Variants in GNB1 observed in about 807,000 individuals in gnomAD.
The protein encoded by GNB1 is G protein subunit beta 1.
Under a neutral mutation model 42.9 loss-of-function variants are expected in GNB1, and 2 were observed. That is an observed-to-expected ratio of 0.05 (90% CI 0.02 to 0.15). The LOEUF is 0.15. Among genes scored for constraint, GNB1 ranks in the 10% least tolerant of loss-of-function variants. The pLI, the probability that GNB1 is intolerant of heterozygous loss-of-function variation, is 1.00. For missense variants in GNB1, 193 were observed against 462.2 expected, an observed-to-expected ratio of 0.42 and a Z score of 5.34; for synonymous variants, 183 against 174.7, an observed-to-expected ratio of 1.05 and a Z score of -0.38.
chr1:1,831,027 T>C (rs1315678828), intron 2 of GNB1, among the ~76,000 whole-genome samples: 1 of 152,068 alleles, frequency 6.6e-6, no homozygotes, highest in Non-Finnish European at 1.5e-5. Context: ...TAGCCAGGTG[T>C]GGTGATGCGT....
intron 10 of GNB1, chr1:1,788,591 A>C: frequency 6.0e-6 from 1 of 167,988 alleles, no homozygotes; most frequent in Admixed American, 5.5e-5. Flanking sequence ...AATGAATCTA[A>C]GTCTGTAAGT....
intron 1 of GNB1, chr1:1,890,481 C>G (rs1330489310): frequency 6.7e-6 from 1 of 148,900 alleles, no homozygotes. Context: ...CCACGCAGGG[C>G]CCGGCCCCGC....
At chr1:1,864,940 AG>A (rs1167587558) in intron 1 of GNB1, among the ~76,000 whole-genome samples, 1 of 152,184 alleles carries the variant, frequency 6.6e-6, no homozygotes, top group Non-Finnish European at 1.5e-5. Flanking sequence ...AGTTATGAAG[AG>A]TATTGCTATC....
intron 1 of GNB1, among the ~76,000 whole-genome samples, chr1:1,854,834 A>G (rs985876352): frequency 6.6e-6 from 1 of 152,198 alleles, no homozygotes; most frequent in African/African-American, 2.4e-5. Context: ...GGAGTTCAAG[A>G]TCAGCCTGGC....
At chr1:1,809,095 CAAAT>C (rs1646741354) in intron 5 of GNB1, among the ~76,000 whole-genome samples, 2 of 151,488 alleles carry the variant, frequency 1.3e-5, no homozygotes, top group East Asian at 3.9e-4. Flanking sequence ...AGTTTAAGAA[CAAAT>C]AAAAACCTTT....
chr1:1,890,454 G>C (rs555912465), intron 1 of GNB1: 1 of 149,022 alleles, frequency 6.7e-6, no homozygotes. Flanking sequence ...GCGGGCCCGA[G>C]AGCCACGTCC....
chr1:1,800,113 C>A (rs1283556176), intron 7 of GNB1, among the ~76,000 whole-genome samples: 1 of 152,188 alleles, frequency 6.6e-6, no homozygotes, highest in African/African-American at 2.4e-5. Context: ...ACAACATTTA[C>A]AATGTCCAGA....
In GNB1 at chr1:1,813,373, A is replaced by G. The variant is rs143873357; in HGVS notation, c.203+2383T>C. 7.9e-3 allele frequency among the ~76,000 whole-genome samples: 1,198 copies of G among 152,316 alleles called. 9 individuals carry two copies. Among genetic ancestry groups the G allele is most frequent in the Admixed American group, 0.012 (187 of 15,300 alleles). Reference sequence around the variant, plus strand: ...TGATCCGCCCACCTCAGCCTCCCAAAGTGCTGGGATTACAGGTGTGCGCCA... The same window carrying G: ...TGATCCGCCCACCTCAGCCTCCCAAGGTGCTGGGATTACAGGTGTGCGCCA... On this transcript the variant is annotated intron_variant, in intron 5 of 11. Coordinates refer to ENST00000378609, the MANE Select transcript of GNB1 (RefSeq NM_002074.5).
intron 7 of GNB1, among the ~76,000 whole-genome samples, chr1:1,795,449 C>T (rs1404139243): frequency 6.6e-6 from 1 of 152,206 alleles, no homozygotes; most frequent in East Asian, 1.9e-4. Context: ...GGCGGAGGCA[C>T]TCCCAAGTTT....
At chr1:1,888,625 G>A (rs1220741107) in intron 1 of GNB1, among the ~76,000 whole-genome samples, 2 of 152,104 alleles carry the variant, frequency 1.3e-5, no homozygotes, top group Non-Finnish European at 2.9e-5. Context: ...ATCACCTGAG[G>A]TCTGGAGTTG....
rs373280628 is a variant in GNB1, at chr1:1,840,295, A to G, written c.-95-1057T>C. The stretch of plus-strand genomic sequence containing the variant: ...TGTAATCCCAGCACTTTGGGAGACC[A>G]AGTTGGGCGGATCACAAGGTAAAGA... On this transcript the variant is annotated intron_variant, in intron 1 of 11. Coordinates refer to ENST00000378609, the MANE Select transcript of GNB1 (RefSeq NM_002074.5). Among the ~76,000 whole-genome samples, 3 of 151,908 alleles carry G rather than the reference A, an allele frequency of 2.0e-5. No homozygotes were observed. In the South Asian group the frequency reaches 6.2e-4, roughly 32 times the overall value.
chr1:1,844,424 T>C (rs1301997956), intron 1 of GNB1, among the ~76,000 whole-genome samples: 1 of 151,728 alleles, frequency 6.6e-6, no homozygotes, highest in Non-Finnish European at 1.5e-5. Context: ...TGGGCACTTT[T>C]TCAAGGCTCT....
intron 1 of GNB1, among the ~76,000 whole-genome samples, chr1:1,860,030 C>A (rs928106580): frequency 6.6e-6 from 1 of 151,940 alleles, no homozygotes; most frequent in Non-Finnish European, 1.5e-5. Context: ...ACGTTGTGCA[C>A]ATGTACCCTA....
At chr1:1,791,069 A>G (rs1646475300) in intron 8 of GNB1, among the ~76,000 whole-genome samples, 1 of 152,166 alleles carries the variant, frequency 6.6e-6, no homozygotes, top group Admixed American at 6.5e-5. Flanking sequence ...GGAGAAGGCC[A>G]ATGCCAGGTA....
At chr1:1,806,647 A>G (rs1266120890) in intron 5 of GNB1, 109 bp from the exon 6 acceptor site, 3 of 664,624 alleles carry the variant, frequency 4.5e-6, no homozygotes, top group Non-Finnish European at 7.9e-6. Context: ...CCCATGTTAC[A>G]TGTGCTTCAG....
rs1647019293 is a variant in GNB1, at chr1:1,827,755, C to T, written c.-46-2256G>A. Among the ~76,000 whole-genome samples, 2 of 152,132 alleles carry T rather than the reference C, an allele frequency of 1.3e-5. 1 individual carries two copies. The highest frequency in any genetic ancestry group is 4.1e-4 in the South Asian group (2 of 4,830). ...AAATTATATTATGCACACAATTTTG[C>T]AGAGTTGGGGGTAGTTTTATTTCAC... On this transcript the variant is annotated intron_variant, in intron 2 of 11. Transcript: ENST00000378609.
intron 7 of GNB1, among the ~76,000 whole-genome samples, chr1:1,797,854 C>T (rs1216820462): frequency 6.6e-6 from 1 of 152,236 alleles, no homozygotes; most frequent in East Asian, 1.9e-4. Context: ...GGGAGGCGCA[C>T]AGGACACACT....
At chr1:1,842,006 T>A (rs1257824668) in intron 1 of GNB1, among the ~76,000 whole-genome samples, 2 of 152,338 alleles carry the variant, frequency 1.3e-5, no homozygotes, top group East Asian at 3.9e-4. Flanking sequence ...TGAATATTAT[T>A]CAGCTATAAA....
chr1:1,826,627 G>C lies in GNB1; in HGVS notation c.-46-1128C>G, dbSNP rs372421724. 1.1e-3 allele frequency among the ~76,000 whole-genome samples: 169 copies of C among 152,188 alleles called. 1 individual carries two copies. Among genetic ancestry groups the C allele is most frequent in the African/African-American group, 3.9e-3 (163 of 41,510 alleles). On this transcript the variant is annotated intron_variant, in intron 2 of 11. Coordinates refer to ENST00000378609, the MANE Select transcript of GNB1 (RefSeq NM_002074.5). ...CACAGGGTGTGTCCAGCAGTTTTTT[G>C]GCTCAGGGACAACCCACTCTCCCAC... is the stretch of plus-strand genomic sequence containing the variant.
Sources: allele counts gnomAD v4.1 joint callset (sites outside exome capture counted in the v4.1 genomes callset), GRCh38; gene constraint gnomAD v4.1.1; transcripts MANE v1.5; gene names NCBI Gene and HGNC (gene_info 2026-07-23, HGNC 2026-07-21).